Variants in GRIK3 observed in about 807,000 individuals in gnomAD.
The protein encoded by GRIK3 is glutamate receptor ionotropic, kainate 3.
In GRIK3, 29 loss-of-function variants were observed where a neutral mutation model predicts 102.5. The observed-to-expected ratio is 0.28, with a 90% confidence interval of 0.21 to 0.39. The LOEUF is 0.39. Among genes scored for constraint, GRIK3 ranks in the 10% least tolerant of loss-of-function variants. GRIK3 has a pLI of 1.00. For missense variants in GRIK3, 908 were observed against 1,252.4 expected (o/e 0.73, Z 4.15); for synonymous variants, 511 against 504.9 (o/e 1.01, Z -0.16).
chr1:36,836,055 G>C (rs938600020), intron 10 of GRIK3, among the ~76,000 whole-genome samples: 18 of 152,180 alleles, frequency 1.2e-4, no homozygotes, highest in African/African-American at 4.3e-4. Context: ...CAACTGCCCT[G>C]TCCCCTCCAG....
chr1:36,947,512 C>A (rs1478272517), intron 1 of GRIK3, among the ~76,000 whole-genome samples: 4 of 152,182 alleles, frequency 2.6e-5, no homozygotes, highest in Admixed American at 1.3e-4. Flanking sequence ...AGGCTCTTGG[C>A]AATTGGCCCC....
intron 1 of GRIK3, among the ~76,000 whole-genome samples, chr1:36,902,333 C>T (rs886084279): frequency 1.3e-5 from 2 of 152,176 alleles, no homozygotes; most frequent in Admixed American, 6.5e-5. Context: ...TCAAGACTTG[C>T]TATAAAGCTA....
chr1:37,022,225 G>C (rs376358014), intron 1 of GRIK3, among the ~76,000 whole-genome samples: 5 of 152,212 alleles, frequency 3.3e-5, no homozygotes, highest in East Asian at 1.9e-4. Flanking sequence ...CCTGACCTAT[G>C]ATGGGCAGCA....
At chr1:36,919,278 G>A (rs899728974) in intron 1 of GRIK3, among the ~76,000 whole-genome samples, 5 of 152,158 alleles carry the variant, frequency 3.3e-5, no homozygotes, top group African/African-American at 1.2e-4. Context: ...GAAGAAAATG[G>A]CCTGGAAGAA....
chr1:36,918,317 C>T (rs868748649), intron 1 of GRIK3, among the ~76,000 whole-genome samples: 2 of 152,168 alleles, frequency 1.3e-5, no homozygotes, highest in African/African-American at 2.4e-5. Context: ...TATCAGGACC[C>T]CACCTACCTT....
intron 1 of GRIK3, among the ~76,000 whole-genome samples, chr1:36,957,686 G>A (rs1282397792): frequency 6.8e-6 from 1 of 147,862 alleles, no homozygotes; most frequent in African/African-American, 2.5e-5. Context: ...GTGACTCTGT[G>A]CCCCATGAGC....
At chr1:36,898,333 A>T (rs1188254808) in intron 1 of GRIK3, among the ~76,000 whole-genome samples, 1 of 152,158 alleles carries the variant, frequency 6.6e-6, no homozygotes, top group Non-Finnish European at 1.5e-5. Flanking sequence ...TGGCTACCTC[A>T]TTTCCCATGA....
chr1:37,032,059 CGAA>C (rs1044478212), intron 1 of GRIK3, among the ~76,000 whole-genome samples: 1 of 152,130 alleles, frequency 6.6e-6, no homozygotes, highest in African/African-American at 2.4e-5. Flanking sequence ...GGGCTTAATA[CGAA>C]GAAGATTAGA....
chr1:36,917,903 C>G (rs1641420282), intron 1 of GRIK3, among the ~76,000 whole-genome samples: 1 of 152,120 alleles, frequency 6.6e-6, no homozygotes, highest in South Asian at 2.1e-4. Flanking sequence ...GCCAGAAGGA[C>G]TCATACCCCC....
At chr1:36,974,259 G>T (rs1477007660) in intron 1 of GRIK3, among the ~76,000 whole-genome samples, 2 of 152,194 alleles carry the variant, frequency 1.3e-5, no homozygotes, top group Non-Finnish European at 2.9e-5. Flanking sequence ...TGGTGCAAAA[G>T]TCATTGCATT....
chr1:36,926,213 AC>A (rs1355735035), intron 1 of GRIK3, among the ~76,000 whole-genome samples: 4 of 152,136 alleles, frequency 2.6e-5, no homozygotes, highest in Non-Finnish European at 5.9e-5. Flanking sequence ...TGTGGTCCTG[AC>A]AAAAAGTTAG....
chr1:36,898,568 T>C (rs887858038), intron 1 of GRIK3, among the ~76,000 whole-genome samples: 8 of 152,228 alleles, frequency 5.3e-5, no homozygotes, highest in Non-Finnish European at 7.3e-5. Flanking sequence ...CCCATGTTCA[T>C]GGACTGGAAG....
Position 36,880,909 on chromosome 1 carries a change from G to A in GRIK3, c.293-18C>T. ...GTCACAGGCTGCAACAGAGGGTAGGGCAGCACAGGGGTCAGCACTGGGGCT... is the reference window on the plus strand; with the variant it reads ...GTCACAGGCTGCAACAGAGGGTAGGACAGCACAGGGGTCAGCACTGGGGCT... On this transcript the variant is annotated intron_variant, in intron 2 of 15. Transcript: ENST00000373091. This position sits in a 1 kb window ranked among gnomAD's most constrained non-coding sequence, Gnocchi z 5.4. 1 of 1,587,796 alleles carries A rather than the reference G, an allele frequency of 6.3e-7. No individual in the cohort carries two copies. The highest frequency in any genetic ancestry group is 8.6e-7 in the Non-Finnish European group (1 of 1,166,636).
At chr1:36,877,266 A>G (rs1046669519) in intron 3 of GRIK3, among the ~76,000 whole-genome samples, 5 of 152,060 alleles carry the variant, frequency 3.3e-5, no homozygotes, top group Non-Finnish European at 5.9e-5. Flanking sequence ...GACACTCTGT[A>G]CCCATGACAT....
rs1462198731 is a variant in GRIK3, at chr1:36,819,336, C to A, written c.1873+400G>T. On this transcript the variant is annotated intron_variant, in intron 12 of 15. Transcript: ENST00000373091. This position sits in a 1 kb window ranked among gnomAD's most constrained non-coding sequence, Gnocchi z 4.1. ...CCTCATTCCTGCAGTGGCCTCCCACCCAGACTCCCTGCCTCTGGTCTCCTT... is the reference window on the plus strand; with the variant it reads ...CCTCATTCCTGCAGTGGCCTCCCACACAGACTCCCTGCCTCTGGTCTCCTT... Among the ~76,000 whole-genome samples, 2 of 152,184 alleles carry A rather than the reference C, an allele frequency of 1.3e-5. No homozygotes were observed. Among genetic ancestry groups the A allele is most frequent in the Non-Finnish European group, 2.9e-5 (2 of 68,028 alleles).
chr1:36,967,677 A>G (rs949056202), intron 1 of GRIK3, among the ~76,000 whole-genome samples: 9 of 152,228 alleles, frequency 5.9e-5, no homozygotes, highest in Non-Finnish European at 1.5e-5. Context: ...GTAAATGACA[A>G]GAGGTGAAGG....
At position 36,974,006 on chromosome 1, in the gene GRIK3, T is replaced by C. The variant is rs137978246; in HGVS notation, c.115+59988A>G. ...TGTGCCCAGCTTCTCTGTCCTCCAG[T>C]GAGATGACTCTGTGGTGTGTTTTGC... On this transcript the variant is annotated intron_variant, in intron 1 of 15. Transcript: ENST00000373091. Among the ~76,000 whole-genome samples, 941 of 152,278 alleles carry C rather than the reference T, an allele frequency of 6.2e-3. 12 individuals carry two copies. The highest frequency in any genetic ancestry group is 0.021 in the African/African-American group (887 of 41,542).
chr1:37,002,144 T>C (rs915365059), intron 1 of GRIK3, among the ~76,000 whole-genome samples: 1 of 152,238 alleles, frequency 6.6e-6, no homozygotes, highest in Non-Finnish European at 1.5e-5. Flanking sequence ...CCAATGTTGA[T>C]TTGAATCTCA....
chr1:36,827,018 T>C (rs1463448381), intron 10 of GRIK3, among the ~76,000 whole-genome samples: 1 of 152,136 alleles, frequency 6.6e-6, no homozygotes, highest in Admixed American at 6.5e-5. Context: ...TAGGATGTCC[T>C]CTTCTTATAG....
Sources: allele counts gnomAD v4.1 joint callset (sites outside exome capture counted in the v4.1 genomes callset), GRCh38; gene constraint gnomAD v4.1.1; non-coding constraint Gnocchi (gnomAD v3.1); transcripts MANE v1.5; gene names NCBI Gene and HGNC (gene_info 2026-07-23, HGNC 2026-07-21).